The following RBCK1 variants were observed in gnomAD, a reference collection of about 807,000 sequenced individuals.
RBCK1 encodes ranBP-type and C3HC4-type zinc finger-containing protein 1.
A neutral mutation model predicts 71.1 loss-of-function variants in RBCK1; 44 were observed. That is an observed-to-expected ratio of 0.62 (90% CI 0.49 to 0.80). The LOEUF (loss-of-function observed/expected upper bound fraction) is 0.80, where lower values mean the gene tolerates loss of function less well. RBCK1 is among the 30% of genes least tolerant of loss of function. The pLI is 0.00. For missense variants in RBCK1, 569 were observed against 685.0 expected, an observed-to-expected ratio of 0.83 and a Z score of 1.89; for synonymous variants, 306 against 279.7, an observed-to-expected ratio of 1.09 and a Z score of -0.94.
chr20:423,925 C>A (rs1467068104), intron 8 of RBCK1, among the ~76,000 whole-genome samples: 1 of 152,192 alleles, frequency 6.6e-6, no homozygotes, highest in Non-Finnish European at 1.5e-5. Context: ...GCTGCCCGGG[C>A]CTTCTCATGT....
intron 6 of RBCK1, chr20:420,505 C>G: frequency 3.0e-6 from 3 of 984,502 alleles, no homozygotes; most frequent in African/African-American, 1.8e-5. Flanking sequence ...GCCCTGCTAC[C>G]TGACTCACCA....
Position 419,671 on chromosome 20 carries a change from C to T in RBCK1, c.696C>T (p.Pro232=). ...ACCAGGTCCCCGCCTCATACCAGCCCGACGAGGAGGAGCGAGCGCGCCTGG... is the reference window on the plus strand; with the variant it reads ...ACCAGGTCCCCGCCTCATACCAGCCTGACGAGGAGGAGCGAGCGCGCCTGG... ...EAYQVPASYQ[P]DEEERARLAG... The change falls in exon 6 of 12, where the codon CCC becomes CCT. Residue 232 remains proline (P), a synonymous_variant. Transcript: ENST00000356286. The T allele has an allele frequency of 1.3e-6, 2 of 1,581,388 alleles. No individual in the cohort carries two copies. Among genetic ancestry groups the T allele is most frequent in the Non-Finnish European group, 1.7e-6 (2 of 1,166,420 alleles).
At chr20:427,591 T>A in intron 9 of RBCK1, 99 bp downstream of exon 9, 1 of 1,310,488 alleles carries the variant, frequency 7.6e-7, no homozygotes, top group Non-Finnish European at 1.1e-6. Context: ...GCTGTGACAC[T>A]GGCCTGCTGG....
rs778259648 is a variant in RBCK1 at position 420,950 on chromosome 20, C to T, written c.836C>T (p.Pro279Leu). ...DQRSLVLNTEPAECPVCYSVL... is the reference protein window; with the variant it reads ...DQRSLVLNTELAECPVCYSVL... ...AGGAGCCTGGTGCTGAACACGGAGC[C>T]CGCCGAGTGCCCCGTGTGCTACTCG... is the stretch of plus-strand genomic sequence containing the variant. The change falls in exon 7 of 12, where the codon CCC (proline) becomes CTC (leucine). Residue 279 changes from proline to leucine, a missense_variant. Pro to Leu is a moderately conservative substitution (Grantham distance 98, BLOSUM62 -3). Transcript: ENST00000356286. 1.3e-6 allele frequency: 2 copies of T among 1,556,040 alleles called. No homozygotes were observed. The highest frequency in any genetic ancestry group is 8.7e-7 in the Non-Finnish European group (1 of 1,151,446).
rs6115906 is a variant in RBCK1, at chr20:417,284, C to T, written c.168-242C>T. ...GGAGGTGCCAGATCATGGAGGCCCTCGTGTGCTGCCACGAGTTGATTCTAA... is the reference window on the plus strand; with the variant it reads ...GGAGGTGCCAGATCATGGAGGCCCTTGTGTGCTGCCACGAGTTGATTCTAA... On this transcript the variant is annotated intron_variant, in intron 2 of 11. Coordinates refer to ENST00000356286, the MANE Select transcript of RBCK1 (RefSeq NM_031229.4). This position sits in a 1 kb window ranked among gnomAD's most constrained non-coding sequence, Gnocchi z 4.7. 0.81 allele frequency: 559,764 copies of T among 689,624 alleles called. 228,451 individuals are homozygous for T. The highest frequency in any genetic ancestry group is 0.87 in the Admixed American group (46,028 of 52,822). 42.7% of individuals were successfully genotyped at this position (689,624 alleles called of 1,614,324 possible).
chr20:409,184 A>G (rs564804447), intron 1 of RBCK1, among the ~76,000 whole-genome samples: 1 of 152,192 alleles, frequency 6.6e-6, no homozygotes, highest in Non-Finnish European at 1.5e-5. Flanking sequence ...GTGTTCTCCA[A>G]ACAAAACCCA....
chr20:410,303 A>G, intron 2 of RBCK1: 1 of 680,432 alleles, frequency 1.5e-6, no homozygotes, highest in African/African-American at 1.8e-5. Context: ...AAAACGGAAC[A>G]GTGACGTAAA....
chr20:419,467 C>G lies in RBCK1; in HGVS notation c.581C>G (p.Pro194Arg). ...CCAGATGCAGTGCCTGAGCCCCCACCGGTAAGCTGTCCTTGGCCTCAGTAT... is the reference window on the plus strand; with the variant it reads ...CCAGATGCAGTGCCTGAGCCCCCACGGGTAAGCTGTCCTTGGCCTCAGTAT... The part of the protein sequence containing the change: ...GQPDAVPEPP[P>R]VGWQCPGCTF... Residue 194 changes from proline (P) to arginine (R), a missense_variant and splice_region_variant, in exon 5 of 12, where the codon CCG becomes CGG. Transcript: ENST00000356286. The G allele has an allele frequency of 6.2e-7, 1 of 1,605,798 alleles. No individual in the cohort carries two copies. The highest frequency in any genetic ancestry group is 8.5e-7 in the Non-Finnish European group (1 of 1,176,298).
chr20:426,446 A>G (rs1403762752), intron 8 of RBCK1, among the ~76,000 whole-genome samples: 2 of 152,178 alleles, frequency 1.3e-5, no homozygotes, highest in African/African-American at 4.8e-5. Flanking sequence ...AAGTGAGAAC[A>G]TGTAATGTTT....
At position 417,553 on chromosome 20, in the gene RBCK1, G is replaced by C. The variant is rs6139131; in HGVS notation, c.195G>C (p.Gln65His). Reference sequence around the variant, plus strand: ...TGTGGGTGAGCGTGGAGGATGCTCAGATGCACACCGTCACCATCTGGCTCA... The same window carrying C: ...TGTGGGTGAGCGTGGAGGATGCTCACATGCACACCGTCACCATCTGGCTCA... ...IRLWVSVEDA[Q>H]MHTVTIWLTV... The change falls in exon 3 of 12, where the codon CAG becomes CAC. Residue 65 changes from glutamine to histidine, a missense_variant. By Grantham distance (24) the Gln-to-His change is conservative (BLOSUM62 0). Transcript: ENST00000356286. The surrounding 1 kb of genome is among the most constrained non-coding windows in gnomAD (Gnocchi z 4.7). The C allele has an allele frequency of 6.2e-7, 1 of 1,613,874 alleles. No homozygotes were observed. The highest frequency in any genetic ancestry group is 8.5e-7 in the Non-Finnish European group (1 of 1,180,032).
intron 2 of RBCK1, among the ~76,000 whole-genome samples, chr20:413,162 C>T (rs984478586): frequency 2.6e-5 from 4 of 152,158 alleles, no homozygotes; most frequent in Admixed American, 1.3e-4. Context: ...GCCCTTACGC[C>T]AGTACCACAC....
rs755087113 is a variant in RBCK1 at position 427,297 on chromosome 20, C to T, written c.1030-16C>T. The T allele has an allele frequency of 5.0e-6, 8 of 1,612,780 alleles. No homozygotes were observed. The highest frequency in any genetic ancestry group is 4.5e-5 in the East Asian group (2 of 44,876). On this transcript the variant is annotated splice_polypyrimidine_tract_variant and intron_variant, in intron 8 of 11. Transcript: ENST00000356286. Reference sequence around the variant, plus strand: ...TGTTCTGAATCCTGAGCAGCAAGGACATGGTGTGTTGGCAGCTCCTGACCC... The same window carrying T: ...TGTTCTGAATCCTGAGCAGCAAGGATATGGTGTGTTGGCAGCTCCTGACCC...
rs1393831148 is a variant in RBCK1, at chr20:430,237, C to A, written c.1453-113C>A. 1.1e-6 allele frequency: 1 copy of A among 908,642 alleles called. No homozygotes were observed. Among genetic ancestry groups the A allele is most frequent in the Non-Finnish European group, 1.7e-6 (1 of 578,158 alleles). The allele number at this position is 908,642 out of a possible 1,614,324, so 56.3% of individuals were successfully genotyped here. On this transcript the variant is annotated intron_variant, in intron 11 of 11. Coordinates refer to ENST00000356286, the MANE Select transcript of RBCK1 (RefSeq NM_031229.4). This position sits in a 1 kb window ranked among gnomAD's most constrained non-coding sequence, Gnocchi z 5.6. ...CATCAGGTAGCTGAGGCTGACCAGG[C>A]CATTCTTGCAGGAGGACCTGCAGAG...
In RBCK1 at chr20:410,001, A is replaced by C. The variant is rs756720324; in HGVS notation, c.143A>C (p.Glu48Ala). The C allele has an allele frequency of 1.2e-6, 2 of 1,614,130 alleles. No homozygotes were observed. The highest frequency in any genetic ancestry group is 1.7e-5 in the Admixed American group (1 of 60,024). The change falls in exon 2 of 12, where the codon GAG becomes GCG. Residue 48 changes from glutamate (E) to alanine (A), a missense_variant. By Grantham distance (107) the Glu-to-Ala change is moderately radical (BLOSUM62 -1). Transcript: ENST00000356286. The stretch of plus-strand genomic sequence containing the variant: ...CCCCTGAGTGTGCAACTGAAGCCTG[A>C]GGTCTCCCCAACGCAGGACATCAGG... The part of the protein sequence containing the change: ...RVPLSVQLKP[E>A]VSPTQDIRLW...
At chr20:423,817 G>T (rs1600304205) in intron 8 of RBCK1, among the ~76,000 whole-genome samples, 1 of 152,164 alleles carries the variant, frequency 6.6e-6, no homozygotes, top group African/African-American at 2.4e-5. Context: ...GGGCCTGGCT[G>T]GTGGGTCAGC....
chr20:421,600 G>A (rs920435486), intron 7 of RBCK1, among the ~76,000 whole-genome samples: 3 of 152,194 alleles, frequency 2.0e-5, no homozygotes, highest in East Asian at 1.9e-4. Context: ...AGGGTGGTCT[G>A]GAAGCTTCCA....
chr20:413,684 G>C (rs1406168887), intron 2 of RBCK1, among the ~76,000 whole-genome samples: 1 of 152,118 alleles, frequency 6.6e-6, no homozygotes, highest in Non-Finnish European at 1.5e-5. Context: ...CCTCAGACTT[G>C]CTGGGTCAGA....
At position 417,297 on chromosome 20, in the gene RBCK1, G is replaced by C. The variant is rs1301280874; in HGVS notation, c.168-229G>C. The stretch of plus-strand genomic sequence containing the variant: ...CATGGAGGCCCTCGTGTGCTGCCAC[G>C]AGTTGATTCTAAGAGTAGCGTGGAG... On this transcript the variant is annotated intron_variant, in intron 2 of 11. Coordinates refer to ENST00000356286, the MANE Select transcript of RBCK1 (RefSeq NM_031229.4). The surrounding 1 kb of genome is among the most constrained non-coding windows in gnomAD (Gnocchi z 4.7). 1 of 706,440 alleles carries C rather than the reference G, an allele frequency of 1.4e-6. No homozygotes were observed. The highest frequency in any genetic ancestry group is 1.7e-5 in the African/African-American group (1 of 57,636). 43.8% of individuals were successfully genotyped at this position (706,440 alleles called of 1,614,324 possible). A position where few individuals can be genotyped will look rare whatever the true frequency, so the allele number is the denominator to read the frequency against.
rs1368555151 is a variant in RBCK1 at position 431,931 on chromosome 20, C to A, written c.*1501C>A. On this transcript the variant is annotated 3_prime_UTR_variant, in exon 12 of 12. Coordinates refer to ENST00000356286, the MANE Select transcript of RBCK1 (RefSeq NM_031229.4). The surrounding 1 kb of genome is among the most constrained non-coding windows in gnomAD (Gnocchi z 4.8). ...CAGCTCAGGCAGACGCTGTCTCATA[C>A]CCACTCTCCCCTCTCTTGCCAGGGC... is the stretch of plus-strand genomic sequence containing the variant. Among the ~76,000 whole-genome samples the A allele has an allele frequency of 6.6e-6, 1 of 152,184 alleles. No individual in the cohort carries two copies. The highest frequency in any genetic ancestry group is 2.4e-5 in the African/African-American group (1 of 41,436).
Sources: allele counts gnomAD v4.1 joint callset (sites outside exome capture counted in the v4.1 genomes callset), GRCh38; gene constraint gnomAD v4.1.1; non-coding constraint Gnocchi (gnomAD v3.1); transcripts MANE v1.5; gene names NCBI Gene and HGNC (gene_info 2026-07-23, HGNC 2026-07-21).